The following PACS1 variants were observed in gnomAD, a reference collection of about 807,000 sequenced individuals.
PACS1 encodes PACS-1.
A neutral mutation model predicts 115.0 loss-of-function variants in PACS1; 24 were observed. The ratio of observed to expected loss-of-function variants is 0.21; its 90% CI spans 0.15 to 0.29. The LOEUF is 0.29. Among genes scored for constraint, PACS1 ranks in the 10% least tolerant of loss-of-function variants. The probability of loss-of-function intolerance (pLI) is 1.00; values close to 1 mark genes in which losing one functional copy is unlikely to be tolerated. For synonymous variants in PACS1, 453 were observed against 504.5 expected (o/e 0.90, Z 1.37); for missense variants, 838 against 1,251.2 (o/e 0.67, Z 4.98).
At chr11:66,168,458 T>C (rs937197480) in intron 1 of PACS1, among the ~76,000 whole-genome samples, 4 of 150,356 alleles carry the variant, frequency 2.7e-5, no homozygotes, top group Admixed American at 1.3e-4. Context: ...GTAGTGGTTT[T>C]AAGAGCAAAG....
At position 66,152,342 on chromosome 11, in the gene PACS1, G is replaced by A. The variant is rs112296430; in HGVS notation, c.357-41144G>A. 3.2e-4 allele frequency among the ~76,000 whole-genome samples: 49 copies of A among 152,310 alleles called. 2 individuals carry two copies. The highest frequency in any genetic ancestry group is 1.1e-3 in the African/African-American group (47 of 41,586). On this transcript the variant is annotated intron_variant, in intron 1 of 23. Transcript: ENST00000320580. ...ATTATCCCATCCAATGAAGAGAGGA[G>A]CAAAGATTGAAGAAAAGTGAGTAGA...
Position 66,103,109 on chromosome 11 carries a change from G to C in PACS1, c.356+32267G>C, listed in dbSNP as rs181090428. 9.8e-5 allele frequency among the ~76,000 whole-genome samples: 15 copies of C among 152,338 alleles called. No homozygotes were observed. The East Asian group carries it at 2.9e-3, about 29-fold the overall frequency. ...GCCTCTGAAAGTGCTGGGATTACAGGCATGAGCCACCAAGCCTGGCCAACC... is the reference window on the plus strand; with the variant it reads ...GCCTCTGAAAGTGCTGGGATTACAGCCATGAGCCACCAAGCCTGGCCAACC... On this transcript the variant is annotated intron_variant, in intron 1 of 23. Transcript: ENST00000320580.
intron 1 of PACS1, among the ~76,000 whole-genome samples, chr11:66,117,026 C>T (rs1046934972): frequency 6.6e-6 from 1 of 151,980 alleles, no homozygotes; most frequent in African/African-American, 2.4e-5. Context: ...GGGAAGAAGA[C>T]AGGAAGTGTC....
chr11:66,136,777 C>T (rs769256149), intron 1 of PACS1, among the ~76,000 whole-genome samples: 20 of 152,116 alleles, frequency 1.3e-4, no homozygotes, highest in African/African-American at 2.4e-4. Context: ...TCTCTATGTT[C>T]GGCTAAAACT....
chr11:66,197,950 G>A (rs1381224401), intron 2 of PACS1, among the ~76,000 whole-genome samples: 1 of 152,098 alleles, frequency 6.6e-6, no homozygotes, highest in Non-Finnish European at 1.5e-5. Context: ...TCCAAAATAG[G>A]AATGAGAATC....
intron 1 of PACS1, among the ~76,000 whole-genome samples, chr11:66,078,703 G>T (rs911062216): frequency 6.6e-6 from 1 of 151,940 alleles, no homozygotes; most frequent in Admixed American, 6.6e-5. Flanking sequence ...ACAGGCACAT[G>T]CCAACATGCC....
intron 10 of PACS1, among the ~76,000 whole-genome samples, chr11:66,224,610 T>C (rs949305722): frequency 1.3e-5 from 2 of 152,252 alleles, no homozygotes; most frequent in African/African-American, 2.4e-5. Flanking sequence ...CTTCAAATTC[T>C]GGTTCCCTTG....
intron 7 of PACS1, chr11:66,217,733 A>C (rs1189474225): frequency 2.5e-6 from 1 of 406,904 alleles, no homozygotes; most frequent in African/African-American, 2.0e-5. Flanking sequence ...AATGGTCCCC[A>C]TGAGGTGTGT....
chr11:66,178,957 A>G (rs6591206), intron 1 of PACS1, among the ~76,000 whole-genome samples: 5,854 of 152,242 alleles, frequency 0.038, 335 homozygotes, highest in African/African-American at 0.13. Flanking sequence ...TTAAAGAACC[A>G]CTGCCCCAGG....
chr11:66,082,436 AT>A (rs1857497507), intron 1 of PACS1, among the ~76,000 whole-genome samples: 1 of 152,026 alleles, frequency 6.6e-6, no homozygotes, highest in Non-Finnish European at 1.5e-5. Context: ...GCCTCAAGTG[AT>A]CCTCTCACCT....
At chr11:66,209,260 A>G (rs922388551) in intron 2 of PACS1, among the ~76,000 whole-genome samples, 1 of 151,856 alleles carries the variant, frequency 6.6e-6, no homozygotes, top group Non-Finnish European at 1.5e-5. Flanking sequence ...GAGACAAGAC[A>G]GTATGCCTGG....
chr11:66,116,736 A>C (rs1471688108), intron 1 of PACS1, among the ~76,000 whole-genome samples: 1 of 151,894 alleles, frequency 6.6e-6, no homozygotes, highest in African/African-American at 2.4e-5. Flanking sequence ...CAAAAATACA[A>C]GATATTAGCC....
intron 1 of PACS1, among the ~76,000 whole-genome samples, chr11:66,084,390 G>A (rs1235520763): frequency 6.6e-6 from 1 of 152,178 alleles, no homozygotes; most frequent in African/African-American, 2.4e-5. Flanking sequence ...GATCTCACAG[G>A]CCATTGTGGG....
At chr11:66,175,077 G>A (rs1247817075) in intron 1 of PACS1, among the ~76,000 whole-genome samples, 1 of 152,040 alleles carries the variant, frequency 6.6e-6, no homozygotes, top group Non-Finnish European at 1.5e-5. Context: ...CTTGAACCCA[G>A]GAGGCAGAGG....
chr11:66,228,937 C>T (rs1036981027), intron 11 of PACS1, among the ~76,000 whole-genome samples: 1 of 152,044 alleles, frequency 6.6e-6, no homozygotes, highest in Non-Finnish European at 1.5e-5. Flanking sequence ...GGGAAGTAGG[C>T]AGGTGTGCGG....
chr11:66,077,139 G>A (rs921554129), intron 1 of PACS1, among the ~76,000 whole-genome samples: 1 of 152,188 alleles, frequency 6.6e-6, no homozygotes, highest in Non-Finnish European at 1.5e-5. Flanking sequence ...ACCAGAGAAT[G>A]GCTTTGGTCA....
intron 1 of PACS1, among the ~76,000 whole-genome samples, chr11:66,114,040 T>C (rs1383521355): frequency 1.3e-5 from 2 of 152,062 alleles, no homozygotes; most frequent in Non-Finnish European, 2.9e-5. Context: ...AGCATTGACA[T>C]AGGACATGTG....
At chr11:66,116,587 C>T (rs1858310593) in intron 1 of PACS1, among the ~76,000 whole-genome samples, 1 of 152,190 alleles carries the variant, frequency 6.6e-6, no homozygotes, top group South Asian at 2.1e-4. Flanking sequence ...ATGAACATCT[C>T]TGCCTTCATA....
At chr11:66,223,283 G>T (rs1390404754) in intron 10 of PACS1, among the ~76,000 whole-genome samples, 1 of 151,882 alleles carries the variant, frequency 6.6e-6, no homozygotes, top group Non-Finnish European at 1.5e-5. Context: ...TAGTAGAGAT[G>T]GGGTTTCTCC....
Sources: allele counts gnomAD v4.1 joint callset (sites outside exome capture counted in the v4.1 genomes callset), GRCh38; gene constraint gnomAD v4.1.1; transcripts MANE v1.5; gene names NCBI Gene and HGNC (gene_info 2026-07-23, HGNC 2026-07-21).